The following NRXN3 variants were observed in gnomAD, a reference collection of about 807,000 sequenced individuals.
The protein encoded by NRXN3 is neurexin III.
In NRXN3, 32 loss-of-function variants were observed where a neutral mutation model predicts 137.6. The ratio of observed to expected loss-of-function variants is 0.23; its 90% confidence interval spans 0.18 to 0.31. The LOEUF (loss-of-function observed/expected upper bound fraction) is 0.31, where lower values mean the gene tolerates loss of function less well. Ranked by LOEUF, NRXN3 falls within the 10% of genes least tolerant of loss-of-function variation. The pLI, the probability that NRXN3 is intolerant of heterozygous loss-of-function variation, is 1.00. For synonymous variants in NRXN3, 798 were observed against 784.5 expected (o/e 1.02, Z -0.29); for missense variants, 1,574 against 2,062.5 (o/e 0.76, Z 4.59).
intron 16 of NRXN3, among the ~76,000 whole-genome samples, chr14:79,519,857 G>T (rs1274655121): frequency 7.0e-6 from 1 of 143,632 alleles, no homozygotes; most frequent in Non-Finnish European, 1.5e-5. Flanking sequence ...TTCTTAAAAA[G>T]ATTTTTTTAA....
intron 16 of NRXN3, among the ~76,000 whole-genome samples, chr14:79,522,667 T>C (rs2097079001): frequency 6.6e-6 from 1 of 152,230 alleles, no homozygotes; most frequent in African/African-American, 2.4e-5. Flanking sequence ...CAAATCTAGC[T>C]GATATTCACT....
At chr14:78,562,702 ACCACTCAATTGACCCCAG>A (rs1206288903) in intron 4 of NRXN3, among the ~76,000 whole-genome samples, 1 of 152,088 alleles carries the variant, frequency 6.6e-6, no homozygotes, top group Admixed American at 6.5e-5. Flanking sequence ...CCAAGATTAA[ACCACTCAATTGACCCCAG>A]CCAACTCATA....
chr14:78,892,700 T>C (rs2099162551), intron 10 of NRXN3, among the ~76,000 whole-genome samples: 1 of 151,210 alleles, frequency 6.6e-6, no homozygotes, highest in Non-Finnish European at 1.5e-5. Context: ...GGAATCATGT[T>C]ATCTCTGCTC....
intron 16 of NRXN3, among the ~76,000 whole-genome samples, chr14:79,474,165 T>C (rs2096539388): frequency 6.6e-6 from 1 of 152,190 alleles, no homozygotes; most frequent in Non-Finnish European, 1.5e-5. Flanking sequence ...TATGTGACTT[T>C]CAGCAAGTCA....
intron 15 of NRXN3, among the ~76,000 whole-genome samples, chr14:79,076,852 G>A (rs2046059846): frequency 6.6e-6 from 1 of 152,140 alleles, no homozygotes; most frequent in Non-Finnish European, 1.5e-5. Flanking sequence ...CTATCACAGG[G>A]CTTGCCACAG....
At chr14:79,834,020 C>T (rs564781856) in intron 20 of NRXN3, among the ~76,000 whole-genome samples, 6 of 152,014 alleles carry the variant, frequency 3.9e-5, no homozygotes, top group South Asian at 4.1e-4. Context: ...CATGAAAGAA[C>T]GTTTGTGTTA....
chr14:78,990,361 A>ATTTTTTTTTTTTTT (rs1163720240), intron 15 of NRXN3, among the ~76,000 whole-genome samples: 1 of 76,070 alleles, frequency 1.3e-5, no homozygotes, highest in Non-Finnish European at 2.4e-5. Context: ...GTTCACATCT[A>ATTTTTTTTTTTTTT]TTTTTTTTTT....
At chr14:78,293,545 C>T (rs2076013351) in intron 3 of NRXN3, among the ~76,000 whole-genome samples, 1 of 152,184 alleles carries the variant, frequency 6.6e-6, no homozygotes, top group Non-Finnish European at 1.5e-5. Context: ...TCACTGAAGC[C>T]TGTTCAATCC....
chr14:78,200,699 G>A (rs1180951662), intron 1 of NRXN3, among the ~76,000 whole-genome samples: 2 of 152,176 alleles, frequency 1.3e-5, no homozygotes, highest in African/African-American at 2.4e-5. Context: ...ATAATTAAAA[G>A]TGTGCTTAAT....
At chr14:78,497,028 T>G (rs2153764303) in intron 4 of NRXN3, among the ~76,000 whole-genome samples, 1 of 152,218 alleles carries the variant, frequency 6.6e-6, no homozygotes, top group African/African-American at 2.4e-5. Context: ...ATTCCAGTTT[T>G]CGATAAGTTA....
rs771791112 is a variant in NRXN3 at position 78,715,057 on chromosome 14, T to C, written c.1962T>C (p.Asn654=). ...AKQCDSYPCK[N]NAVCKDGWNR... is the part of the protein sequence containing the mutation. The stretch of plus-strand genomic sequence containing the variant: ...AGTGTGACAGCTACCCCTGCAAGAA[T>C]AATGCTGTGTGCAAGGACGGCTGGA... The change falls in exon 8 of 21, where the codon AAT becomes AAC. Residue 654 remains asparagine (N), a synonymous_variant. Coordinates refer to ENST00000335750, the MANE Select transcript of NRXN3 (RefSeq NM_001330195.2). The C allele has an allele frequency of 2.2e-5, 36 of 1,613,678 alleles. No individual in the cohort carries two copies. Among genetic ancestry groups the C allele is most frequent in the Non-Finnish European group, 2.8e-5 (33 of 1,180,012 alleles).
intron 15 of NRXN3, among the ~76,000 whole-genome samples, chr14:79,082,391 T>TTGTGTGTGTGTGTGTGTG (rs57728169): frequency 5.6e-4 from 83 of 147,028 alleles, no homozygotes; most frequent in African/African-American, 1.9e-3. Context: ...TGCAAACTAA[T>TTGTGTGTGTGTGTGTGTG]TGTGTGTGTG....
In NRXN3 at chr14:79,504,655, G is replaced by GTATATATATATATA. The variant is rs994714026; in HGVS notation, c.3444+37260_3444+37273dup. Among the ~76,000 whole-genome samples the GTATATATATATATA allele has an allele frequency of 1.0e-3, 104 of 104,220 alleles. 2 individuals carry two copies. The highest frequency in any genetic ancestry group is 3.4e-3 in the African/African-American group (99 of 29,188). The allele number at this position is 104,220 out of a possible 152,430, so 68.4% of individuals were successfully genotyped here. On this transcript the variant is annotated intron_variant, in intron 16 of 20. Transcript: ENST00000335750. ...AATGAAGTTTTTTATATATATATATGTATATATATATATATATATAAAACA... is the reference window on the plus strand; with the variant it reads ...AATGAAGTTTTTTATATATATATATGTATATATATATATATATATATATATATATATATAAAACA...
chr14:78,374,456 T>C (rs117349599), intron 4 of NRXN3, among the ~76,000 whole-genome samples: 3,483 of 152,312 alleles, frequency 0.023, 67 homozygotes, highest in Non-Finnish European at 0.034. Context: ...TGACGGTTTA[T>C]AATTATTGTG....
At chr14:79,442,729 C>T (rs1454094037) in intron 15 of NRXN3, among the ~76,000 whole-genome samples, 1 of 152,138 alleles carries the variant, frequency 6.6e-6, no homozygotes, top group East Asian at 1.9e-4. Flanking sequence ...AGACACAAAG[C>T]CTGATTTGCT....
chr14:78,224,497 T>A (rs2064250757), intron 1 of NRXN3, among the ~76,000 whole-genome samples: 1 of 152,012 alleles, frequency 6.6e-6, no homozygotes, highest in Non-Finnish European at 1.5e-5. Context: ...CATTGTTCAA[T>A]TCCCACCTAT....
chr14:79,771,217 T>A (rs2099077083), intron 19 of NRXN3, among the ~76,000 whole-genome samples: 3 of 152,110 alleles, frequency 2.0e-5, no homozygotes. Context: ...CTGGTACCAT[T>A]CCTTCTGAAA....
At chr14:79,846,559 A>G (rs1348578738) in intron 20 of NRXN3, among the ~76,000 whole-genome samples, 1 of 152,346 alleles carries the variant, frequency 6.6e-6, no homozygotes, top group East Asian at 1.9e-4. Context: ...ATTACATTTT[A>G]AAAATTGGTA....
At chr14:79,703,322 T>C (rs1165749671) in intron 19 of NRXN3, among the ~76,000 whole-genome samples, 2 of 152,066 alleles carry the variant, frequency 1.3e-5, no homozygotes, top group Non-Finnish European at 1.5e-5. Flanking sequence ...GCCTTGATAC[T>C]GATGATTACA....
Sources: gnomAD v4.1 joint callset for allele counts (sites outside exome capture counted in the v4.1 genomes callset) on GRCh38, gnomAD v4.1.1 for gene constraint, MANE v1.5 for transcripts, NCBI Gene and HGNC (gene_info 2026-07-23, HGNC 2026-07-21) for gene names.